Variants in NR3C1 observed in about 807,000 individuals in gnomAD.
The protein encoded by NR3C1 is glucocorticoid receptor.
In NR3C1, 14 loss-of-function variants were observed where a neutral mutation model predicts 74.0. The observed-to-expected ratio is 0.19, with a 90% CI of 0.12 to 0.30. The LOEUF is 0.30. Ranked by LOEUF, NR3C1 falls within the 10% of genes least tolerant of loss-of-function variation. NR3C1 has a pLI of 1.00. For synonymous variants in NR3C1, 308 were observed against 332.5 expected (o/e 0.93, Z 0.80); for missense variants, 695 against 909.8 (o/e 0.76, Z 3.04).
At position 143,310,092 on chromosome 5, in the gene NR3C1, A is replaced by AT. The variant is rs1820578523; in HGVS notation, c.1468+4dup. On this transcript the variant is annotated splice_donor_region_variant and intron_variant, in intron 4 of 8. Coordinates refer to ENST00000394464, the MANE Select transcript of NR3C1 (RefSeq NM_000176.3). ...CAAACAATTGCTTTCAGATATTTATATTACCTTCCAGGTTCATTCCAGCCT... is the reference window on the plus strand; with the variant it reads ...CAAACAATTGCTTTCAGATATTTATATTTACCTTCCAGGTTCATTCCAGCCT... 6 of 1,603,000 alleles carry AT rather than the reference A, an allele frequency of 3.7e-6. No homozygotes were observed. The highest frequency in any genetic ancestry group is 5.1e-6 in the Non-Finnish European group (6 of 1,170,044).
At chr5:143,367,383 C>T (rs1334062362) in intron 2 of NR3C1, among the ~76,000 whole-genome samples, 1 of 152,186 alleles carries the variant, frequency 6.6e-6, no homozygotes, top group East Asian at 1.9e-4. Flanking sequence ...TGCTATTCAA[C>T]ACTGCACTGG....
chr5:143,405,362 T>TC, upstream of NR3C1: 1 of 984,896 alleles, frequency 1.0e-6, no homozygotes, highest in Non-Finnish European at 1.2e-6. Context: ...TGACGGCGGC[T>TC]CCCCCTGCTC....
chr5:143,334,759 C>T (rs1348301474), intron 2 of NR3C1, among the ~76,000 whole-genome samples: 1 of 151,210 alleles, frequency 6.6e-6, no homozygotes, highest in Non-Finnish European at 1.5e-5. Flanking sequence ...GTACAGAGAG[C>T]AATAGAAAGA....
intron 2 of NR3C1, among the ~76,000 whole-genome samples, chr5:143,372,706 T>C (rs922875554): frequency 3.9e-5 from 6 of 152,252 alleles, no homozygotes; most frequent in African/African-American, 1.4e-4. Context: ...ACTTTTAACA[T>C]AAAAGTTGGG....
At position 143,281,761 on chromosome 5, in the gene NR3C1, TAAAAC is replaced by T. The variant is rs1813146234; in HGVS notation, c.*123_*127del. On this transcript the variant is annotated 3_prime_UTR_variant, in exon 9 of 9. Coordinates refer to ENST00000394464, the MANE Select transcript of NR3C1 (RefSeq NM_000176.3). ...CTATAAACCACATGTAGTGCGTATTTAAAACAAAACAACAGATGAAAACAATAAAA... is the reference window on the plus strand; with the variant it reads ...CTATAAACCACATGTAGTGCGTATTTAAAACAACAGATGAAAACAATAAAA... 4 of 1,088,868 alleles carry T rather than the reference TAAAAC, an allele frequency of 3.7e-6. No homozygotes were observed. Among genetic ancestry groups the T allele is most frequent in the Non-Finnish European group, 5.4e-6 (4 of 747,140 alleles). The allele number at this position is 1,088,868 out of a possible 1,614,324, so 67.5% of individuals were successfully genotyped here.
At chr5:143,363,557 A>G (rs754478213) in intron 2 of NR3C1, among the ~76,000 whole-genome samples, 4 of 147,294 alleles carry the variant, frequency 2.7e-5, no homozygotes, top group African/African-American at 5.1e-5. Context: ...TGGGTGACAG[A>G]GCGAGACTCC....
At chr5:143,413,895 G>A (rs1337080032) in intron 1 of NR3C1, among the ~76,000 whole-genome samples, 1 of 99,684 alleles carries the variant, frequency 1.0e-5, no homozygotes, top group African/African-American at 4.0e-5. Context: ...TTAAATAGGA[G>A]AAAAGGGATT....
Position 143,424,394 on chromosome 5 carries a change from A to G in NR3C1, c.-14+10138T>C, listed in dbSNP as rs1310451766. Among the ~76,000 whole-genome samples the G allele has an allele frequency of 3.3e-5, 5 of 152,156 alleles. No homozygotes were observed. The East Asian group carries it at 9.6e-4, about 29-fold the overall frequency. On this transcript the variant is annotated intron_variant, in intron 1 of 8. Transcript: ENST00000343796. ...GCAATGCTTCTAACACAAATACATT[A>G]CAAATGCTTGAGGTGACGGATATCC... is the stretch of plus-strand genomic sequence containing the variant.
At chr5:143,335,956 A>G (rs1827043409) in intron 2 of NR3C1, among the ~76,000 whole-genome samples, 1 of 152,210 alleles carries the variant, frequency 6.6e-6, no homozygotes, top group Admixed American at 6.5e-5. Flanking sequence ...TAGGCAAAAC[A>G]TGGACACATG....
At chr5:143,410,187 T>G (rs1246149538) in intron 1 of NR3C1, among the ~76,000 whole-genome samples, 1 of 152,238 alleles carries the variant, frequency 6.6e-6, no homozygotes, top group African/African-American at 2.4e-5. Context: ...CCTTTCTTGA[T>G]TTAATCTCCT....
At chr5:143,415,313 A>G (rs1841440016) in intron 1 of NR3C1, among the ~76,000 whole-genome samples, 1 of 152,100 alleles carries the variant, frequency 6.6e-6, no homozygotes, top group Non-Finnish European at 1.5e-5. Context: ...TATGTGAAAT[A>G]GAAAGTAGAA....
At position 143,278,059 on chromosome 5, in the gene NR3C1, A is replaced by C. The variant is rs1812603034; in HGVS notation, c.*3830T>G. 1 of 152,246 alleles carries C rather than the reference A, an allele frequency of 6.6e-6. No individual in the cohort carries two copies. The highest frequency in any genetic ancestry group is 1.5e-5 in the Non-Finnish European group (1 of 68,042). The allele number at this position is 152,246 out of a possible 1,614,324, so 9.4% of individuals were successfully genotyped here. A position where few individuals can be genotyped will look rare whatever the true frequency, so the allele number is the denominator to read the frequency against. ...ATACCAGAACAGCAAATTTAAATGA[A>C]AAAATAAAAGTTAAACATTTCCACA... is the stretch of plus-strand genomic sequence containing the variant. On this transcript the variant is annotated 3_prime_UTR_variant, in exon 9 of 9. Transcript: ENST00000394464.
rs1283623967 is a variant in NR3C1 at position 143,293,043 on chromosome 5, G to A, written c.2023+2417C>T. Among the ~76,000 whole-genome samples, 8 of 152,230 alleles carry A rather than the reference G, an allele frequency of 5.3e-5. No homozygotes were observed. In the East Asian group the frequency reaches 1.5e-3, roughly 29 times the overall value. On this transcript the variant is annotated intron_variant, in intron 7 of 8. Coordinates refer to ENST00000394464, the MANE Select transcript of NR3C1 (RefSeq NM_000176.3). ...TCATTAAAAACAATTGTATTCTTCT[G>A]CTTTTAGATCCATCCACTGCCTTTT...
chr5:143,374,289 G>C (rs1000505240), intron 2 of NR3C1, among the ~76,000 whole-genome samples: 1 of 152,022 alleles, frequency 6.6e-6, no homozygotes, highest in African/African-American at 2.4e-5. Context: ...TCAGGAGATC[G>C]GGACCATCCT....
chr5:143,402,878 C>CA (rs1840596127), intron 1 of NR3C1: 1 of 966,598 alleles, frequency 1.0e-6, no homozygotes, highest in South Asian at 4.8e-5. Context: ...GGAAAGGGGA[C>CA]ACTAGGGGGA....
At chr5:143,378,666 C>CTG (rs940078732) in intron 2 of NR3C1, among the ~76,000 whole-genome samples, 1 of 152,146 alleles carries the variant, frequency 6.6e-6, no homozygotes, top group African/African-American at 2.4e-5. Context: ...TCTAGTTTTA[C>CTG]TGTGTGTGTG....
At chr5:143,395,211 T>C (rs745570972) in intron 2 of NR3C1, among the ~76,000 whole-genome samples, 3 of 151,868 alleles carry the variant, frequency 2.0e-5, no homozygotes, top group Non-Finnish European at 3.0e-5. Flanking sequence ...TTTTTTAAAA[T>C]TGAAATTCTC....
intron 7 of NR3C1, among the ~76,000 whole-genome samples, chr5:143,286,439 C>G (rs529825457): frequency 6.6e-6 from 1 of 152,100 alleles, no homozygotes; most frequent in Non-Finnish European, 1.5e-5. Context: ...GAATGAAAGG[C>G]TAGTCAATTA....
intron 5 of NR3C1, 97 bp from the exon 6 acceptor site, chr5:143,298,909 A>T: frequency 8.1e-7 from 1 of 1,240,422 alleles, no homozygotes; most frequent in Non-Finnish European, 1.2e-6. Context: ...GCCCTGTCAA[A>T]ACAAGGGCAC....
Sources: allele counts gnomAD v4.1 joint callset (sites outside exome capture counted in the v4.1 genomes callset), GRCh38; gene constraint gnomAD v4.1.1; transcripts MANE v1.5; gene names NCBI Gene and HGNC (gene_info 2026-07-23, HGNC 2026-07-21).